EYS: variants seen among roughly 807,000 people sequenced by gnomAD.
EYS encodes protein eyes shut homolog.
In EYS, 250 loss-of-function variants were observed where a neutral mutation model predicts 282.1. The ratio of observed to expected loss-of-function variants is 0.89; its 90% CI spans 0.80 to 0.98. The LOEUF (loss-of-function observed/expected upper bound fraction) is 0.98. Ranked by LOEUF, EYS falls within the 50% of genes least tolerant of loss-of-function variation. The probability of loss-of-function intolerance (pLI) is 0.00; values close to 1 mark genes in which losing one functional copy is unlikely to be tolerated. For missense variants in EYS, 4,016 were observed against 3,709.0 expected (o/e 1.08, Z -2.15); for synonymous variants, 1,355 against 1,282.9 (o/e 1.06, Z -1.20).
chr6:64,949,752 A>G (rs1769420274), intron 14 of EYS, among the ~76,000 whole-genome samples: 1 of 151,884 alleles, frequency 6.6e-6, no homozygotes, highest in Admixed American at 6.6e-5. Flanking sequence ...TCATCTTAAA[A>G]TTTTGCCTTT....
intron 12 of EYS, among the ~76,000 whole-genome samples, chr6:65,139,647 T>C (rs1764276983): frequency 6.6e-6 from 1 of 152,074 alleles, no homozygotes. Context: ...AGTGGGAAAC[T>C]AGACTTCTAC....
intron 32 of EYS, among the ~76,000 whole-genome samples, chr6:64,078,651 G>A (rs964457872): frequency 6.6e-6 from 1 of 152,014 alleles, no homozygotes; most frequent in African/African-American, 2.4e-5. Flanking sequence ...GATGTGTCCG[G>A]TACTATAACA....
At chr6:65,517,604 CA>C (rs1196926695) in intron 2 of EYS, among the ~76,000 whole-genome samples, 1 of 151,932 alleles carries the variant, frequency 6.6e-6, no homozygotes, top group East Asian at 1.9e-4. Context: ...GGCTTTTTAT[CA>C]ACTTATCTGT....
Position 65,057,712 on chromosome 6 carries a change from A to G in EYS, c.2039T>C (p.Ile680Thr), listed in dbSNP as rs376807770. ...VPGFKGTQCE[I>T]DIDECASHPC... ...ATGTGAAGCACACTCATCTATATCA[A>G]TTTCACATTGCGTACCTTTGGAAAA... is the stretch of plus-strand genomic sequence containing the variant. The change falls in exon 13 of 43, where the codon ATT becomes ACT. Residue 680 changes from isoleucine (I) to threonine (T), a missense_variant. Transcript: ENST00000503581. 385 of 1,548,410 alleles carry G rather than the reference A, an allele frequency of 2.5e-4. No individual in the cohort carries two copies. The African/African-American group carries it at 3.3e-3, about 13-fold the overall frequency.
At chr6:65,020,998 G>A (rs537177568) in intron 13 of EYS, among the ~76,000 whole-genome samples, 22 of 152,236 alleles carry the variant, frequency 1.4e-4, no homozygotes, top group Admixed American at 2.6e-4. Flanking sequence ...AGTGGGGCCC[G>A]GGACCCAGTC....
At chr6:63,727,727 A>ATATATATAT (rs1253035778) in intron 41 of EYS, among the ~76,000 whole-genome samples, 2 of 61,678 alleles carry the variant, frequency 3.2e-5, no homozygotes, top group African/African-American at 2.5e-4. Flanking sequence ...AAAAAAAAAA[A>ATATATATAT]AAAAAAAAAA....
intron 22 of EYS, among the ~76,000 whole-genome samples, chr6:64,771,248 T>C (rs1773514577): frequency 6.6e-6 from 1 of 151,734 alleles, no homozygotes. Context: ...CCTTTCTTAT[T>C]CCTAGTATTT....
chr6:64,965,908 G>A (rs147889893), intron 14 of EYS, among the ~76,000 whole-genome samples: 142 of 152,098 alleles, frequency 9.3e-4, no homozygotes, highest in African/African-American at 3.3e-3. Context: ...AAAAGGCAGC[G>A]ACTTTAAGAA....
rs1296421134 is a variant in EYS, at chr6:65,606,216, T to TA, written c.-333+33561dup. Among the ~76,000 whole-genome samples, 83 of 151,806 alleles carry TA rather than the reference T, an allele frequency of 5.5e-4. 1 individual carries two copies. Among genetic ancestry groups the TA allele is most frequent in the African/African-American group, 1.9e-3 (78 of 41,526 alleles). ...TACAACCAGTATTCAAAAATAGTTT[T>TA]AAAAATATGTTTAACCACTCTAAAT... On this transcript the variant is annotated intron_variant, in intron 2 of 42. Coordinates refer to ENST00000503581, the MANE Select transcript of EYS (RefSeq NM_001142800.2).
chr6:65,600,743 G>T (rs1044970317), intron 2 of EYS, among the ~76,000 whole-genome samples: 12 of 151,760 alleles, frequency 7.9e-5, no homozygotes, highest in African/African-American at 2.9e-4. Flanking sequence ...AATTATGTTA[G>T]TTGCATGAAA....
intron 12 of EYS, among the ~76,000 whole-genome samples, chr6:65,196,547 C>G (rs183816611): frequency 6.6e-6 from 1 of 151,962 alleles, no homozygotes; most frequent in East Asian, 1.9e-4. Flanking sequence ...TATCTTGTAC[C>G]AAGCATTATT....
chr6:64,828,514 A>T (rs1765125052), intron 19 of EYS, among the ~76,000 whole-genome samples: 1 of 151,970 alleles, frequency 6.6e-6, no homozygotes, highest in Non-Finnish European at 1.5e-5. Context: ...CCAGAGGAAG[A>T]ATCATAGACT....
chr6:64,586,564 G>A (rs944327846), intron 26 of EYS, among the ~76,000 whole-genome samples: 1 of 151,912 alleles, frequency 6.6e-6, no homozygotes, highest in African/African-American at 2.4e-5. Flanking sequence ...AAGATTTGAA[G>A]ATGTAAATCT....
intron 29 of EYS, among the ~76,000 whole-genome samples, chr6:64,328,060 T>C (rs923925835): frequency 1.3e-5 from 2 of 152,202 alleles, no homozygotes; most frequent in African/African-American, 4.8e-5. Flanking sequence ...AGGGGGAGAA[T>C]GGCTCTTAAT....
At chr6:65,516,935 C>T (rs1582404519) in intron 2 of EYS, among the ~76,000 whole-genome samples, 2 of 152,036 alleles carry the variant, frequency 1.3e-5, no homozygotes, top group Non-Finnish European at 2.9e-5. Context: ...AGTTAACACA[C>T]ACTTTTCAAC....
chr6:65,564,927 A>G lies in EYS; in HGVS notation c.-332-68934T>C, dbSNP rs550640774. Among the ~76,000 whole-genome samples, 300 of 144,764 alleles carry G rather than the reference A, an allele frequency of 2.1e-3. 2 individuals are homozygous for G. Among genetic ancestry groups the G allele is most frequent in the Non-Finnish European group, 1.8e-3 (118 of 66,962 alleles). The allele number at this position is 144,764 out of a possible 152,430, so 95.0% of individuals were successfully genotyped here. A position where few individuals can be genotyped will look rare whatever the true frequency, so the allele number is the denominator to read the frequency against. On this transcript the variant is annotated intron_variant, in intron 2 of 42. Coordinates refer to ENST00000503581, the MANE Select transcript of EYS (RefSeq NM_001142800.2). The stretch of plus-strand genomic sequence containing the variant: ...ATCTACAAGGAACTTAAACAAATTT[A>G]AAAGAAACAAACAACCCCATTAAAA...
chr6:64,877,949 G>T (rs1265564563), intron 19 of EYS, among the ~76,000 whole-genome samples: 1 of 152,188 alleles, frequency 6.6e-6, no homozygotes, highest in Non-Finnish European at 1.5e-5. Context: ...AACAATAAAT[G>T]AGGCTGGGTG....
chr6:64,762,412 C>T (rs756965072), intron 22 of EYS, among the ~76,000 whole-genome samples: 4 of 152,140 alleles, frequency 2.6e-5, no homozygotes, highest in Non-Finnish European at 1.5e-5. Flanking sequence ...ATCATGGAGT[C>T]CCTGAAAACC....
Position 65,012,983 on chromosome 6 carries a change from G to A in EYS, c.2138-15280C>T, listed in dbSNP as rs957802322. ...TCTGAAACTATTATGAGATTGAAAT[G>A]TATTATAAGTAATACATTTCTGGAT... On this transcript the variant is annotated intron_variant, in intron 13 of 42. Coordinates refer to ENST00000503581, the MANE Select transcript of EYS (RefSeq NM_001142800.2). 3.8e-4 allele frequency among the ~76,000 whole-genome samples: 58 copies of A among 151,934 alleles called. 2 individuals carry two copies. The highest frequency in any genetic ancestry group is 4.4e-5 in the Non-Finnish European group (3 of 67,974).
Sources: gnomAD v4.1 joint callset for allele counts (sites outside exome capture counted in the v4.1 genomes callset) on GRCh38, gnomAD v4.1.1 for gene constraint, MANE v1.5 for transcripts, NCBI Gene and HGNC (gene_info 2026-07-23, HGNC 2026-07-21) for gene names.